Variants in FERMT1 observed in about 807,000 individuals in gnomAD.
The protein encoded by FERMT1 is FERM domain containing kindlin 1.
FERMT1 carries 60 observed loss-of-function variants against 85.3 expected under a neutral mutation model. The observed-to-expected ratio is 0.70, with a 90% CI of 0.57 to 0.87. The LOEUF is 0.87. Among genes scored for constraint, FERMT1 ranks in the 40% least tolerant of loss-of-function variants. The pLI is 0.00. For synonymous variants in FERMT1, 275 were observed against 301.1 expected (o/e 0.91, Z 0.90); for missense variants, 701 against 818.9 (o/e 0.86, Z 1.76).
chr20:6,114,668 T>C (rs1312743544), intron 3 of FERMT1, among the ~76,000 whole-genome samples: 1 of 152,210 alleles, frequency 6.6e-6, no homozygotes, highest in Non-Finnish European at 1.5e-5. Context: ...CATTCATTTG[T>C]TCACTCAACA....
intron 2 of FERMT1, among the ~76,000 whole-genome samples, chr20:6,119,161 T>C (rs1175548303): frequency 6.6e-6 from 1 of 152,210 alleles, no homozygotes; most frequent in African/African-American, 2.4e-5. Context: ...TTGGCCAGCC[T>C]GTTCTTGATC....
chr20:6,106,663 CT>C (rs1208908788), intron 6 of FERMT1, among the ~76,000 whole-genome samples: 1 of 152,190 alleles, frequency 6.6e-6, no homozygotes, highest in African/African-American at 2.4e-5. Flanking sequence ...TATCTCACCC[CT>C]CATTTGTTAT....
At chr20:6,107,487 C>G (rs992954819) in intron 6 of FERMT1, 45 bp downstream of exon 6, 7 of 1,116,254 alleles carry the variant, frequency 6.3e-6, no homozygotes, top group Non-Finnish European at 9.5e-6. Context: ...TCCTTTCATG[C>G]ATTCATATTA....
At chr20:6,111,568 G>T (rs1372369339) in intron 4 of FERMT1, among the ~76,000 whole-genome samples, 8 of 152,046 alleles carry the variant, frequency 5.3e-5, no homozygotes. Flanking sequence ...GGAGGCAGAG[G>T]CTGCAATGAG....
At chr20:6,112,453 CA>C (rs769516066) in intron 4 of FERMT1, 23 bp downstream of exon 4, 124 of 1,612,010 alleles carry the variant, frequency 7.7e-5, no homozygotes, top group Middle Eastern at 3.3e-4. Context: ...GTTCAAACAA[CA>C]AAACACCTGT....
At chr20:6,078,940 A>G (rs933023325) in intron 14 of FERMT1, among the ~76,000 whole-genome samples, 1 of 152,156 alleles carries the variant, frequency 6.6e-6, no homozygotes, top group Non-Finnish European at 1.5e-5. Flanking sequence ...AGTCATCACT[A>G]TGGACCTCAC....
chr20:6,115,394 C>T (rs189678435), intron 3 of FERMT1, among the ~76,000 whole-genome samples: 330 of 152,248 alleles, frequency 2.2e-3, no homozygotes, highest in Admixed American at 3.7e-3. Context: ...TGAGCCAGGT[C>T]TTAAGCAATT....
chr20:6,100,272 A>G (rs895801059), intron 6 of FERMT1, among the ~76,000 whole-genome samples: 3 of 152,250 alleles, frequency 2.0e-5, no homozygotes, highest in African/African-American at 7.2e-5. Flanking sequence ...AAGACATAAA[A>G]TATGATACAT....
chr20:6,078,115 T>G (rs1427899105), intron 14 of FERMT1, among the ~76,000 whole-genome samples: 1 of 152,272 alleles, frequency 6.6e-6, no homozygotes, highest in East Asian at 1.9e-4. Flanking sequence ...CAACCTTGGC[T>G]GCCCATTGAA....
chr20:6,085,813 C>T (rs1164304136), intron 11 of FERMT1, among the ~76,000 whole-genome samples: 1 of 151,090 alleles, frequency 6.6e-6, no homozygotes, highest in Non-Finnish European at 1.5e-5. Context: ...TGCACAAACG[C>T]ACTCGAGCCT....
chr20:6,105,133 T>TTGTC (rs1211458971), intron 6 of FERMT1, among the ~76,000 whole-genome samples: 1 of 152,140 alleles, frequency 6.6e-6, no homozygotes, highest in African/African-American at 2.4e-5. Context: ...AAGGACTTGA[T>TTGTC]TGTCTATTTG....
chr20:6,085,114 T>G lies in FERMT1; in HGVS notation c.1545A>C (p.Pro515=), dbSNP rs774109621. The change falls in exon 12 of 15, where the codon CCA becomes CCC. Residue 515 remains proline (P), a synonymous_variant. Transcript: ENST00000217289. ...CACACCGTGGTGACACAAAACATTC[T>G]GGGTTCATATCCATGTTTTCGAGAC... The part of the protein sequence containing the change: ...ASSLENMDMN[P]ECFVSPRCAK... The G allele has an allele frequency of 6.2e-7, 1 of 1,614,258 alleles. No homozygotes were observed. Among genetic ancestry groups the G allele is most frequent in the East Asian group, 2.2e-5 (1 of 44,888 alleles).
intron 5 of FERMT1, among the ~76,000 whole-genome samples, chr20:6,109,468 G>A (rs1037426851): frequency 7.9e-5 from 12 of 152,230 alleles, no homozygotes; most frequent in African/African-American, 2.9e-4. Context: ...CTAGGAAGGT[G>A]AATGCTGTTG....
At chr20:6,096,031 C>T (rs182024952) in intron 8 of FERMT1, among the ~76,000 whole-genome samples, 1 of 152,328 alleles carries the variant, frequency 6.6e-6, no homozygotes, top group Admixed American at 6.5e-5. Context: ...AGTTATAAAG[C>T]TGACATTCAC....
At chr20:6,099,300 GA>G (rs1241292616) in intron 6 of FERMT1, among the ~76,000 whole-genome samples, 2 of 151,962 alleles carry the variant, frequency 1.3e-5, no homozygotes, top group Admixed American at 6.6e-5. Context: ...CTACTTGGGG[GA>G]GGGTGAGGTG....
At chr20:6,114,379 T>G (rs898942071) in intron 3 of FERMT1, among the ~76,000 whole-genome samples, 1 of 152,188 alleles carries the variant, frequency 6.6e-6, no homozygotes, top group Admixed American at 6.6e-5. Flanking sequence ...ATGCAATGAT[T>G]AGAAATGCCA....
chr20:6,080,217 G>A (rs991616082), intron 13 of FERMT1, among the ~76,000 whole-genome samples: 13 of 152,134 alleles, frequency 8.5e-5, no homozygotes, highest in African/African-American at 3.1e-4. Context: ...CAGTGAAGGA[G>A]GGGAGAGAAA....
chr20:6,093,368 T>C (rs1982416777), intron 9 of FERMT1, among the ~76,000 whole-genome samples: 1 of 152,064 alleles, frequency 6.6e-6, no homozygotes, highest in African/African-American at 2.4e-5. Flanking sequence ...ATTTTGAGAG[T>C]ATAAGTCACA....
chr20:6,082,238 C>G (rs554172418), intron 13 of FERMT1, among the ~76,000 whole-genome samples: 5 of 152,164 alleles, frequency 3.3e-5, no homozygotes, highest in African/African-American at 7.2e-5. Flanking sequence ...TTGTTCAGGC[C>G]CACACCACGC....
Sources: gnomAD v4.1 joint callset for allele counts (sites outside exome capture counted in the v4.1 genomes callset) on GRCh38, gnomAD v4.1.1 for gene constraint, MANE v1.5 for transcripts, NCBI Gene and HGNC (gene_info 2026-07-23, HGNC 2026-07-21) for gene names.